PGR: variants seen among roughly 807,000 people sequenced by gnomAD.
PGR encodes the protein nuclear receptor subfamily 3 group C member 3.
PGR carries 25 observed loss-of-function variants against 76.1 expected under a neutral mutation model. The ratio of observed to expected loss-of-function variants is 0.33; its 90% CI spans 0.24 to 0.46. PGR has a LOEUF of 0.46. PGR is among the 20% of genes least tolerant of loss of function. PGR has a pLI of 1.00. For missense variants in PGR, 1,172 were observed against 1,225.3 expected, an observed-to-expected ratio of 0.96 and a Z score of 0.65; for synonymous variants, 579 against 535.0, an observed-to-expected ratio of 1.08 and a Z score of -1.14.
At chr11:101,043,313 C>T (rs1332678432) in intron 6 of PGR, among the ~76,000 whole-genome samples, 2 of 152,204 alleles carry the variant, frequency 1.3e-5, no homozygotes, top group Non-Finnish European at 2.9e-5. Context: ...AACTCCTCAT[C>T]TTTCAAGTTT....
intron 2 of PGR, among the ~76,000 whole-genome samples, chr11:101,103,425 C>G (rs888813484): frequency 1.1e-4 from 16 of 152,064 alleles, no homozygotes; most frequent in African/African-American, 3.4e-4. Flanking sequence ...TGGTGAGCAG[C>G]AGGGCAGAGA....
intron 2 of PGR, among the ~76,000 whole-genome samples, chr11:101,110,405 T>C (rs1862308580): frequency 6.6e-6 from 1 of 152,116 alleles, no homozygotes; most frequent in South Asian, 2.1e-4. Context: ...ATAGATGACT[T>C]TGAGGGATTC....
intron 3 of PGR, among the ~76,000 whole-genome samples, chr11:101,089,512 T>C (rs992397142): frequency 6.6e-6 from 1 of 152,180 alleles, no homozygotes; most frequent in Admixed American, 6.5e-5. Context: ...TTATTTGACA[T>C]GTACATTTGT....
chr11:101,112,113 G>A (rs2135487976), intron 2 of PGR, among the ~76,000 whole-genome samples: 1 of 152,268 alleles, frequency 6.6e-6, no homozygotes, highest in South Asian at 2.1e-4. Flanking sequence ...TTAGTAACAT[G>A]GTAACCTTGA....
At chr11:101,055,590 A>C (rs1445092752) in intron 4 of PGR, among the ~76,000 whole-genome samples, 1 of 152,080 alleles carries the variant, frequency 6.6e-6, no homozygotes, top group South Asian at 2.1e-4. Context: ...TATAATATTT[A>C]AATATTTGAC....
At chr11:101,071,353 T>C (rs1423544045) in intron 3 of PGR, among the ~76,000 whole-genome samples, 1 of 151,934 alleles carries the variant, frequency 6.6e-6, no homozygotes, top group Non-Finnish European at 1.5e-5. Context: ...GGTAGATAAA[T>C]CCATGAAGAT....
At chr11:101,057,780 C>T (rs1481007865) in intron 4 of PGR, among the ~76,000 whole-genome samples, 1 of 151,948 alleles carries the variant, frequency 6.6e-6, no homozygotes, top group East Asian at 1.9e-4. Flanking sequence ...TGCTGAGGTG[C>T]CATTTCAAGA....
At chr11:101,101,507 A>G (rs151045141) in intron 2 of PGR, among the ~76,000 whole-genome samples, 2 of 152,360 alleles carry the variant, frequency 1.3e-5, no homozygotes, top group African/African-American at 4.8e-5. Context: ...AAGGGATAAT[A>G]GAAATAGAGA....
chr11:101,063,165 T>C (rs1860578270), intron 3 of PGR: 1 of 157,186 alleles, frequency 6.4e-6, no homozygotes, highest in African/African-American at 2.4e-5. Flanking sequence ...ACTACATTAA[T>C]TGAAACTTAG....
chr11:101,119,141 G>A (rs1862597715), intron 2 of PGR, among the ~76,000 whole-genome samples: 1 of 152,130 alleles, frequency 6.6e-6, no homozygotes, highest in South Asian at 2.1e-4. Flanking sequence ...ATGTGACAGG[G>A]AGGCGGAGCT....
At chr11:101,079,463 CAG>C (rs1861232429) in intron 3 of PGR, among the ~76,000 whole-genome samples, 1 of 150,214 alleles carries the variant, frequency 6.7e-6, no homozygotes, top group South Asian at 2.1e-4. Flanking sequence ...GCAAAATGAA[CAG>C]AAATTTCTTG....
intron 3 of PGR, among the ~76,000 whole-genome samples, chr11:101,071,067 G>A (rs995426654): frequency 5.9e-5 from 9 of 152,176 alleles, no homozygotes; most frequent in African/African-American, 2.2e-4. Context: ...ACCTCACACA[G>A]GAGAGCTCTG....
intron 2 of PGR, among the ~76,000 whole-genome samples, chr11:101,115,998 T>A (rs968597842): frequency 1.3e-5 from 2 of 152,226 alleles, no homozygotes; most frequent in African/African-American, 4.8e-5. Flanking sequence ...AACATTATAT[T>A]TATGCAGCAA....
intron 3 of PGR, among the ~76,000 whole-genome samples, chr11:101,088,571 A>T (rs1241387776): frequency 1.3e-5 from 2 of 152,210 alleles, no homozygotes; most frequent in South Asian, 2.1e-4. Context: ...TGAACTCATG[A>T]TCCACCTGCG....
chr11:101,094,030 A>G (rs968472566), intron 2 of PGR, among the ~76,000 whole-genome samples: 2 of 152,072 alleles, frequency 1.3e-5, no homozygotes, highest in Non-Finnish European at 2.9e-5. Flanking sequence ...ATCTGCTTTC[A>G]AGTCTTGCTC....
intron 2 of PGR, among the ~76,000 whole-genome samples, chr11:101,105,650 G>A (rs945297979): frequency 6.6e-6 from 1 of 151,964 alleles, no homozygotes; most frequent in Non-Finnish European, 1.5e-5. Flanking sequence ...TGGCCATACT[G>A]CCCAAAGTAA....
At chr11:101,056,081 A>C (rs1860278911) in intron 4 of PGR, among the ~76,000 whole-genome samples, 1 of 152,158 alleles carries the variant, frequency 6.6e-6, no homozygotes, top group African/African-American at 2.4e-5. Context: ...AATATCATTC[A>C]TTACTTTATG....
At position 101,054,153 on chromosome 11, in the gene PGR, T is replaced by G. The variant is rs143958228; in HGVS notation, c.2213-2585A>C. 6.0e-3 allele frequency among the ~76,000 whole-genome samples: 914 copies of G among 152,332 alleles called. 12 individuals carry two copies. Among genetic ancestry groups the G allele is most frequent in the African/African-American group, 0.021 (859 of 41,584 alleles). On this transcript the variant is annotated intron_variant, in intron 4 of 7. Coordinates refer to ENST00000325455, the MANE Select transcript of PGR (RefSeq NM_000926.4). Reference sequence around the variant, plus strand: ...TCTAAGCTTGTCCTCTAGCTTCTATTCAGTGAACCCCTGTTGTCCTCTCAG... The same window carrying G: ...TCTAAGCTTGTCCTCTAGCTTCTATGCAGTGAACCCCTGTTGTCCTCTCAG...
chr11:101,043,678 T>G (rs1283165699), intron 6 of PGR, among the ~76,000 whole-genome samples: 1 of 152,214 alleles, frequency 6.6e-6, no homozygotes, highest in Non-Finnish European at 1.5e-5. Context: ...TACTCTTTGA[T>G]CTATGAACTA....
Sources: gnomAD v4.1 joint callset for allele counts (sites outside exome capture counted in the v4.1 genomes callset) on GRCh38, gnomAD v4.1.1 for gene constraint, MANE v1.5 for transcripts, NCBI Gene and HGNC (gene_info 2026-07-23, HGNC 2026-07-21) for gene names.